Variants in ECSCR observed in about 807,000 individuals in gnomAD.
The protein encoded by ECSCR is endothelial cell surface expressed chemotaxis and apoptosis regulator, also known as endothelial cell-specific chemotaxis regulator.
A neutral mutation model predicts 16.7 loss-of-function variants in ECSCR; 12 were observed. The ratio of observed to expected loss-of-function variants is 0.72; its 90% confidence interval spans 0.46 to 1.17. The LOEUF (loss-of-function observed/expected upper bound fraction) is 1.17. ECSCR is among the 50% of genes most tolerant of loss of function. The pLI, the probability that ECSCR is intolerant of heterozygous loss-of-function variation, is 0.00. For synonymous variants in ECSCR, 44 were observed against 42.2 expected, an observed-to-expected ratio of 1.04 and a Z score of -0.17; for missense variants, 122 against 116.1, an observed-to-expected ratio of 1.05 and a Z score of -0.23.
At position 139,448,747 on chromosome 5, in the gene ECSCR, G is replaced by C. The variant is rs1245896776; in HGVS notation, c.*153C>G. The C allele has an allele frequency of 9.0e-6, 13 of 1,449,706 alleles. No individual in the cohort carries two copies. The highest frequency in any genetic ancestry group is 9.9e-6 in the Non-Finnish European group (11 of 1,106,494). The allele number at this position is 1,449,706 out of a possible 1,614,324, so 89.8% of individuals were successfully genotyped here. A position where few individuals can be genotyped will look rare whatever the true frequency, so the allele number is the denominator to read the frequency against. On this transcript the variant is annotated 3_prime_UTR_variant, in exon 10 of 10. Coordinates refer to ENST00000618155, the MANE Select transcript of ECSCR (RefSeq NM_001077693.4). ...TGTTGGTAGCTTGCTCCCAGATCTG[G>C]GGCAATGCTAGTGTCCTTTAGATCT...
chr5:139,449,369 G>A (rs1020772640), intron 8 of ECSCR, among the ~76,000 whole-genome samples, 195 bp from the exon 9 acceptor site: 1 of 152,064 alleles, frequency 6.6e-6, no homozygotes, highest in Non-Finnish European at 1.5e-5. Flanking sequence ...ATGGAGTCTC[G>A]CTCTGTCGCC....
At position 139,455,650 on chromosome 5, in the gene ECSCR, T is replaced by G. The variant is rs1459357648; in HGVS notation, c.263-214A>C. On this transcript the variant is annotated intron_variant, in intron 5 of 9. Transcript: ENST00000618155. ...CAAGGCTCCAACAAGCCAGGCTGCC[T>G]GTTAAGGGGCACAGATTTCTGGCCC... Among the ~76,000 whole-genome samples the G allele has an allele frequency of 5.9e-5, 9 of 152,210 alleles. No homozygotes were observed. In the East Asian group the frequency reaches 1.2e-3, roughly 20 times the overall value.
At chr5:139,461,778 C>A (rs927902203) in intron 1 of ECSCR, among the ~76,000 whole-genome samples, 2 of 152,184 alleles carry the variant, frequency 1.3e-5, no homozygotes, top group Non-Finnish European at 2.9e-5. Context: ...GGCCACCACC[C>A]CTCCCCATCT....
chr5:139,449,969 C>T (rs1326837350), intron 8 of ECSCR, among the ~76,000 whole-genome samples: 3 of 151,964 alleles, frequency 2.0e-5, no homozygotes, highest in Admixed American at 2.0e-4. Context: ...CATCTCAGCT[C>T]ACTGCAACCT....
At chr5:139,458,033 C>T (rs1751198194) in intron 2 of ECSCR, 106 bp downstream of exon 2, 12 of 1,313,254 alleles carry the variant, frequency 9.1e-6, no homozygotes, top group Middle Eastern at 2.3e-4. Flanking sequence ...GCTCCAGCTG[C>T]GGCCCCAGCC....
chr5:139,456,892 C>T (rs1561476001), intron 4 of ECSCR, among the ~76,000 whole-genome samples: 1 of 152,218 alleles, frequency 6.6e-6, no homozygotes, highest in Non-Finnish European at 1.5e-5. Flanking sequence ...CGCTGCCCCC[C>T]GCCCTGGGCA....
chr5:139,451,941 T>G (rs942046351), intron 8 of ECSCR, among the ~76,000 whole-genome samples: 77 of 146,146 alleles, frequency 5.3e-4, no homozygotes, highest in African/African-American at 1.9e-3. Flanking sequence ...TGTGTGTTTA[T>G]GATGTATGTG....
intron 1 of ECSCR, among the ~76,000 whole-genome samples, chr5:139,459,862 G>A (rs2152090109): frequency 6.6e-6 from 1 of 152,308 alleles, no homozygotes; most frequent in East Asian, 1.9e-4. Context: ...CTTCCTCCAT[G>A]GGGCTATCAT....
At chr5:139,458,028 A>T (rs1014215486) in intron 2 of ECSCR, 111 bp downstream of exon 2, 1 of 1,297,328 alleles carries the variant, frequency 7.7e-7, no homozygotes, top group Non-Finnish European at 1.1e-6. Context: ...CTCCCGCTCC[A>T]GCTGCGGCCC....
At position 139,448,699 on chromosome 5, in the gene ECSCR, TC is replaced by T. The variant is rs1750962171; in HGVS notation, c.*200del. ...GCAGGCAGTATTTCCACAGCAGCTG[TC>T]CATACAGGAAAGAGTCTCCCCTGTT... On this transcript the variant is annotated 3_prime_UTR_variant, in exon 10 of 10. Coordinates refer to ENST00000618155, the MANE Select transcript of ECSCR (RefSeq NM_001077693.4). The T allele has an allele frequency of 7.1e-6, 10 of 1,407,718 alleles. No homozygotes were observed. In the South Asian group the frequency reaches 1.6e-4, roughly 23 times the overall value. The allele number at this position is 1,407,718 out of a possible 1,614,324, so 87.2% of individuals were successfully genotyped here. A position where few individuals can be genotyped will look rare whatever the true frequency, so the allele number is the denominator to read the frequency against.
chr5:139,456,712 A>G (rs1486820821), intron 4 of ECSCR, among the ~76,000 whole-genome samples, 194 bp from the exon 5 acceptor site: 4 of 151,958 alleles, frequency 2.6e-5, no homozygotes, highest in African/African-American at 7.3e-5. Flanking sequence ...CTCAGTCTCA[A>G]GTCTAAGCTC....
chr5:139,462,403 C>T (rs920993802), intron 1 of ECSCR, among the ~76,000 whole-genome samples: 4 of 152,198 alleles, frequency 2.6e-5, no homozygotes, highest in African/African-American at 9.7e-5. Context: ...GACAATTTCC[C>T]ACAAGAGGGT....
intron 1 of ECSCR, among the ~76,000 whole-genome samples, chr5:139,459,676 C>T (rs1176693534): frequency 6.6e-6 from 1 of 152,230 alleles, no homozygotes; most frequent in Non-Finnish European, 1.5e-5. Flanking sequence ...GCTGGGTTCC[C>T]GTCCCTCTGC....
chr5:139,456,603 TGCCTGAGAGGACTCTA>T, intron 4 of ECSCR, 85 bp from the exon 5 acceptor site: 1 of 397,696 alleles, frequency 2.5e-6, no homozygotes, highest in Non-Finnish European at 4.4e-6. Context: ...CAGTCTTCCC[TGCCTGAGAGGACTCTA>T]GCTCTTTCTC....
intron 1 of ECSCR, among the ~76,000 whole-genome samples, chr5:139,458,544 GAA>G (rs1488496951): frequency 1.6e-5 from 2 of 122,308 alleles, no homozygotes; most frequent in Non-Finnish European, 3.3e-5. Flanking sequence ...GAAAGAAAAA[GAA>G]AAAAGAAAAG....
At chr5:139,449,485 G>A (rs558337978) in intron 8 of ECSCR, among the ~76,000 whole-genome samples, 10 of 151,904 alleles carry the variant, frequency 6.6e-5, no homozygotes, top group African/African-American at 9.7e-5. Context: ...TTACAAGCAC[G>A]TGCCACCATG....
At chr5:139,456,555 C>A in intron 4 of ECSCR, 37 bp from the exon 5 acceptor site, 1 of 398,638 alleles carries the variant, frequency 2.5e-6, no homozygotes, top group East Asian at 3.6e-5. Context: ...ATGGGGGCAT[C>A]CCCCAGCAGC....
At chr5:139,456,053 C>T (rs1751152168) in intron 5 of ECSCR, among the ~76,000 whole-genome samples, 1 of 151,996 alleles carries the variant, frequency 6.6e-6, no homozygotes, top group African/African-American at 2.4e-5. Context: ...ACCTGGGAGG[C>T]AGGGGTTGCA....
At chr5:139,458,487 G>T in intron 1 of ECSCR, among the ~76,000 whole-genome samples, 1 of 107,150 alleles carries the variant, frequency 9.3e-6, no homozygotes, top group African/African-American at 4.5e-5. Flanking sequence ...AACAGGTGGA[G>T]ACCCTATCTC....
Sources: gnomAD v4.1 joint callset for allele counts (sites outside exome capture counted in the v4.1 genomes callset) on GRCh38, gnomAD v4.1.1 for gene constraint, MANE v1.5 for transcripts, NCBI Gene and HGNC (gene_info 2026-07-23, HGNC 2026-07-21) for gene names.